The following ZNF516 variants were observed in gnomAD, a reference collection of about 807,000 sequenced individuals.
The protein encoded by ZNF516 is zinc finger protein 516.
In ZNF516, 19 loss-of-function variants were observed where a neutral mutation model predicts 79.7. The ratio of observed to expected loss-of-function variants is 0.24; its 90% CI spans 0.17 to 0.35. The LOEUF is 0.35. Among genes scored for constraint, ZNF516 ranks in the 10% least tolerant of loss-of-function variants. ZNF516 has a pLI of 1.00. For missense variants in ZNF516, 1,678 were observed against 1,679.5 expected (o/e 1.00, Z 0.02); for synonymous variants, 877 against 739.5 (o/e 1.19, Z -3.02).
At chr18:76,449,273 G>T (rs1384724259) in intron 2 of ZNF516, among the ~76,000 whole-genome samples, 3 of 152,138 alleles carry the variant, frequency 2.0e-5, no homozygotes, top group African/African-American at 7.2e-5. Context: ...CCCCATAGCT[G>T]CCCTGGACCC....
chr18:76,495,846 C>T (rs1266968929), upstream of ZNF516: 1 of 751,808 alleles, frequency 1.3e-6, no homozygotes, highest in Admixed American at 5.2e-5. Context: ...TGGTAAATGC[C>T]TCTGGGGGTG....
At chr18:76,479,816 T>C (rs897705377) in intron 1 of ZNF516, among the ~76,000 whole-genome samples, 2 of 152,070 alleles carry the variant, frequency 1.3e-5, no homozygotes, top group Non-Finnish European at 2.9e-5. Context: ...AAGAGACGCC[T>C]CCCCTCCACA....
In ZNF516 at chr18:76,475,485, G is replaced by A. The variant is rs552080851; in HGVS notation, c.-271-12344C>T. Among the ~76,000 whole-genome samples, 25 of 152,194 alleles carry A rather than the reference G, an allele frequency of 1.6e-4. No individual in the cohort carries two copies. In the South Asian group the frequency reaches 4.1e-3, roughly 25 times the overall value. ...CCCTCCATCCCCAAAATTCCACCTC[G>A]GGGAACTTATCCTAGAGAAATATTC... On this transcript the variant is annotated intron_variant, in intron 1 of 6. Transcript: ENST00000443185.
Position 76,442,484 on chromosome 18 carries a change from G to A in ZNF516, c.571C>T (p.Leu191=), listed in dbSNP as rs1911748820. 4 of 1,603,468 alleles carry A rather than the reference G, an allele frequency of 2.5e-6. No individual in the cohort carries two copies. The highest frequency in any genetic ancestry group is 3.4e-6 in the Non-Finnish European group (4 of 1,179,652). ...SQFERKKDLE[L]HVHQAHKPFK... Reference sequence around the variant, plus strand: ...GGCTTGTGCGCCTGGTGCACGTGCAGCTCCAGGTCCTTCTTACGCTCGAAC... The same window carrying A: ...GGCTTGTGCGCCTGGTGCACGTGCAACTCCAGGTCCTTCTTACGCTCGAAC... The change falls in exon 3 of 7, where the codon CTG becomes TTG. Residue 191 remains leucine, a synonymous_variant. Transcript: ENST00000443185.
chr18:76,472,600 T>C (rs533223170), intron 1 of ZNF516, among the ~76,000 whole-genome samples: 51 of 152,382 alleles, frequency 3.3e-4, no homozygotes, highest in African/African-American at 1.2e-3. Context: ...TCCTGGGCTC[T>C]GACCCACTTT....
chr18:76,476,298 GTA>G (rs139660438), intron 1 of ZNF516, among the ~76,000 whole-genome samples: 5,704 of 152,234 alleles, frequency 0.037, 150 homozygotes, highest in Non-Finnish European at 0.061. Flanking sequence ...AAAAATCACC[GTA>G]TATGTCTTAA....
At position 76,492,757 on chromosome 18, in the gene ZNF516, G is replaced by A. The variant is rs1915308929; in HGVS notation, c.-272+2387C>T. Reference sequence around the variant, plus strand: ...CTCCTCTTTTCTCCCCCTTCTGCAGGTTCCGACCTGAATCTGAAAGTGCTT... The same window carrying A: ...CTCCTCTTTTCTCCCCCTTCTGCAGATTCCGACCTGAATCTGAAAGTGCTT... On this transcript the variant is annotated intron_variant, in intron 1 of 6. Transcript: ENST00000443185. The A allele has an allele frequency of 4.1e-6, 4 of 985,478 alleles. No individual in the cohort carries two copies. The African/African-American group carries it at 5.2e-5, about 13-fold the overall frequency. 61.0% of individuals were successfully genotyped at this position (985,478 alleles called of 1,614,324 possible). A position where few individuals can be genotyped will look rare whatever the true frequency, so the allele number is the denominator to read the frequency against.
intron 2 of ZNF516, among the ~76,000 whole-genome samples, chr18:76,460,143 G>A (rs1291448156): frequency 1.3e-5 from 2 of 152,150 alleles, no homozygotes; most frequent in Admixed American, 6.6e-5. Flanking sequence ...TGAAACATGC[G>A]GAACTCCGAT....
intron 3 of ZNF516, among the ~76,000 whole-genome samples, chr18:76,408,679 C>T (rs1460667891): frequency 6.6e-6 from 1 of 152,224 alleles, no homozygotes; most frequent in Non-Finnish European, 1.5e-5. Flanking sequence ...TAAAAAGAGG[C>T]CTTTCCAAAC....
intron 3 of ZNF516, among the ~76,000 whole-genome samples, chr18:76,437,333 G>A (rs1379472760): frequency 6.6e-6 from 1 of 152,156 alleles, no homozygotes; most frequent in Non-Finnish European, 1.5e-5. Context: ...GGGCTCTGAG[G>A]ACGGGGCTGC....
At chr18:76,416,553 G>A (rs1240119518) in intron 3 of ZNF516, among the ~76,000 whole-genome samples, 1 of 152,300 alleles carries the variant, frequency 6.6e-6, no homozygotes, top group Middle Eastern at 3.4e-3. Context: ...ATTAGTTCAG[G>A]AAATTGTGAT....
At chr18:76,423,816 A>C (rs2075546256) in intron 3 of ZNF516, among the ~76,000 whole-genome samples, 1 of 146,952 alleles carries the variant, frequency 6.8e-6, no homozygotes, top group Admixed American at 6.8e-5. Flanking sequence ...ACGCAGGTGA[A>C]AAGGTTCCCC....
chr18:76,401,765 G>GCCGCACCT (rs1568261813), intron 3 of ZNF516, among the ~76,000 whole-genome samples: 12 of 143,704 alleles, frequency 8.4e-5, no homozygotes, highest in Non-Finnish European at 1.4e-4. Context: ...ACACCCCCGC[G>GCCGCACCT]CTCCATCTCT....
chr18:76,492,438 G>T lies in ZNF516; in HGVS notation c.-272+2706C>A, dbSNP rs187648327. On this transcript the variant is annotated intron_variant, in intron 1 of 6. Transcript: ENST00000443185. The stretch of plus-strand genomic sequence containing the variant: ...AGGGCGCAGCGTTCAGGAGGCGGGT[G>T]GGCAGCCGAACTTTCACTGGCCACG... 1,134 of 912,624 alleles carry T rather than the reference G, an allele frequency of 1.2e-3. 2 individuals carry two copies. The highest frequency in any genetic ancestry group is 1.4e-3 in the Non-Finnish European group (1,075 of 763,348). 56.5% of individuals were successfully genotyped at this position (912,624 alleles called of 1,614,324 possible).
In ZNF516 at chr18:76,397,135, T is replaced by C. The variant is rs1305612106; in HGVS notation, c.1811-16832A>G. On this transcript the variant is annotated intron_variant, in intron 3 of 6. Coordinates refer to ENST00000443185, the MANE Select transcript of ZNF516 (RefSeq NM_014643.4). ...AGCCCATCAGGAAGCCACAAGCCCC[T>C]CCAGAGGCACCGAGTCGGGGAGACC... Among the ~76,000 whole-genome samples the C allele has an allele frequency of 2.6e-5, 4 of 152,104 alleles. No individual in the cohort carries two copies. The East Asian group carries it at 7.7e-4, about 29-fold the overall frequency.
chr18:76,492,400 GT>G, intron 1 of ZNF516: 1 of 977,518 alleles, frequency 1.0e-6, no homozygotes, highest in Non-Finnish European at 1.2e-6. Flanking sequence ...CATTGTGCGG[GT>G]CAGACGCAGC....
chr18:76,412,227 G>A (rs78623728), intron 3 of ZNF516, among the ~76,000 whole-genome samples: 3,121 of 152,346 alleles, frequency 0.02, 47 homozygotes, highest in Middle Eastern at 0.044. Flanking sequence ...GACCAGCGAA[G>A]GTCGCCGTGC....
At chr18:76,426,923 C>G (rs1456225239) in intron 3 of ZNF516, among the ~76,000 whole-genome samples, 2 of 152,222 alleles carry the variant, frequency 1.3e-5, no homozygotes, top group Non-Finnish European at 2.9e-5. Flanking sequence ...CCCAGGCAAG[C>G]AAGGATCCTG....
chr18:76,455,313 T>C (rs925185084), intron 2 of ZNF516, among the ~76,000 whole-genome samples: 6 of 152,180 alleles, frequency 3.9e-5, no homozygotes, highest in Admixed American at 3.9e-4. Context: ...CACGGTCATT[T>C]TTCCTCTCTC....
Sources: gnomAD v4.1 joint callset for allele counts (sites outside exome capture counted in the v4.1 genomes callset) on GRCh38, gnomAD v4.1.1 for gene constraint, MANE v1.5 for transcripts, NCBI Gene and HGNC (gene_info 2026-07-23, HGNC 2026-07-21) for gene names.